Variants in PRKACB observed in about 807,000 individuals in gnomAD.
PRKACB encodes protein kinase cAMP-activated catalytic subunit beta, also known as cAMP-dependent protein kinase catalytic subunit beta.
A neutral mutation model predicts 51.4 loss-of-function variants in PRKACB; 16 were observed. The ratio of observed to expected loss-of-function variants is 0.31; its 90% CI spans 0.21 to 0.47. The LOEUF (loss-of-function observed/expected upper bound fraction) is 0.47. Ranked by LOEUF, PRKACB falls within the 20% of genes least tolerant of loss-of-function variation. The pLI is 1.00. For synonymous variants in PRKACB, 147 were observed against 154.4 expected (o/e 0.95, Z 0.35); for missense variants, 309 against 464.5 (o/e 0.67, Z 3.08).
chr1:84,108,046 A>G (rs1649925496), intron 1 of PRKACB, among the ~76,000 whole-genome samples: 1 of 152,164 alleles, frequency 6.6e-6, no homozygotes, highest in Non-Finnish European at 1.5e-5. Context: ...TTGCAGCACT[A>G]TTCACAATAG....
intron 9 of PRKACB, among the ~76,000 whole-genome samples, chr1:84,216,516 C>A (rs1024812658): frequency 2.0e-5 from 3 of 152,004 alleles, no homozygotes; most frequent in Admixed American, 6.6e-5. Context: ...GCATTATTAT[C>A]GCAAATAGAT....
At chr1:84,099,885 G>GT (rs1314756391) in intron 1 of PRKACB, among the ~76,000 whole-genome samples, 2 of 152,002 alleles carry the variant, frequency 1.3e-5, no homozygotes, top group African/African-American at 4.8e-5. Context: ...CTTAAGCATG[G>GT]TCTATATAGA....
intron 1 of PRKACB, among the ~76,000 whole-genome samples, chr1:84,151,343 A>G (rs576425487): frequency 1.3e-5 from 2 of 152,076 alleles, no homozygotes; most frequent in Admixed American, 6.6e-5. Flanking sequence ...AGCATTTCCC[A>G]ATTTTTTTGC....
chr1:84,143,386 G>T (rs1653632204), upstream of PRKACB, among the ~76,000 whole-genome samples: 1 of 152,130 alleles, frequency 6.6e-6, no homozygotes, highest in Non-Finnish European at 1.5e-5. Context: ...TAGGAGCGGA[G>T]GTCGCAGTGA....
At chr1:84,153,972 T>G (rs1413573909) in intron 1 of PRKACB, among the ~76,000 whole-genome samples, 1 of 152,190 alleles carries the variant, frequency 6.6e-6, no homozygotes, top group African/African-American at 2.4e-5. Context: ...GCTGTACTAA[T>G]GTATATTCTC....
At chr1:84,124,153 C>T (rs892130007) in intron 1 of PRKACB, among the ~76,000 whole-genome samples, 1 of 152,040 alleles carries the variant, frequency 6.6e-6, no homozygotes, top group African/African-American at 2.4e-5. Flanking sequence ...GTGTTAGATT[C>T]TGGTAAGAAA....
At chr1:84,137,251 G>A (rs891919282) in intron 1 of PRKACB, among the ~76,000 whole-genome samples, 2 of 152,084 alleles carry the variant, frequency 1.3e-5, no homozygotes, top group African/African-American at 4.8e-5. Flanking sequence ...GCCGTAAAAA[G>A]ACATGGATAA....
At chr1:84,215,983 A>G (rs925468764) in intron 9 of PRKACB, among the ~76,000 whole-genome samples, 1 of 152,166 alleles carries the variant, frequency 6.6e-6, no homozygotes, top group African/African-American at 2.4e-5. Context: ...AAAAAAATTT[A>G]ATGCTCTAAT....
At chr1:84,155,008 A>G (rs1655299636) in intron 1 of PRKACB, among the ~76,000 whole-genome samples, 1 of 152,136 alleles carries the variant, frequency 6.6e-6, no homozygotes, top group Non-Finnish European at 1.5e-5. Context: ...TCTACTCAAT[A>G]TGATACTGGA....
intron 8 of PRKACB, chr1:84,205,407 T>G: frequency 2.7e-6 from 1 of 366,344 alleles, no homozygotes; most frequent in Non-Finnish European, 3.8e-6. Flanking sequence ...TTTTAAATTG[T>G]GCAAATTATT....
chr1:84,194,017 C>A (rs947021040), intron 5 of PRKACB, among the ~76,000 whole-genome samples: 1 of 152,078 alleles, frequency 6.6e-6, no homozygotes, highest in African/African-American at 2.4e-5. Context: ...ACTTACTATG[C>A]ACAGGGCAAC....
chr1:84,237,457 T>G lies in PRKACB; in HGVS notation c.*2152T>G, dbSNP rs1676756003. ...ATATTTTTTTCTATGAAATTACTAG[T>G]GCCCAGCTGTAGAATCTACCTTAGG... On this transcript the variant is annotated 3_prime_UTR_variant, in exon 10 of 10. Transcript: ENST00000370685. 1 of 152,532 alleles carries G rather than the reference T, an allele frequency of 6.6e-6. No homozygotes were observed. Among genetic ancestry groups the G allele is most frequent in the African/African-American group, 2.4e-5 (1 of 41,446 alleles). The allele number at this position is 152,532 out of a possible 1,614,324, so 9.4% of individuals were successfully genotyped here.
At chr1:84,189,941 A>G (rs905878479) in intron 5 of PRKACB, among the ~76,000 whole-genome samples, 13 of 151,910 alleles carry the variant, frequency 8.6e-5, no homozygotes, top group African/African-American at 3.1e-4. Flanking sequence ...TTTCCTTTCC[A>G]ATTTCTTTCC....
chr1:84,214,128 T>A lies in PRKACB; in HGVS notation c.907-25T>A, dbSNP rs568129167. 2.9e-5 allele frequency: 46 copies of A among 1,576,266 alleles called. No individual in the cohort carries two copies. In the East Asian group the frequency reaches 1.0e-3, roughly 36 times the overall value. Reference sequence around the variant, plus strand: ...ATATCATGAGTCTTAGAATGTGTGTTTTACCAAATGGTGTGTTTGTGTAGG... The same window carrying A: ...ATATCATGAGTCTTAGAATGTGTGTATTACCAAATGGTGTGTTTGTGTAGG... On this transcript the variant is annotated intron_variant, in intron 8 of 9. Coordinates refer to ENST00000370685, the MANE Select transcript of PRKACB (RefSeq NM_182948.4).
At chr1:84,210,880 G>C (rs926985785) in intron 8 of PRKACB, among the ~76,000 whole-genome samples, 18 of 152,080 alleles carry the variant, frequency 1.2e-4, no homozygotes, top group African/African-American at 4.1e-4. Context: ...TTACATTTCA[G>C]GTTAAATTTC....
At chr1:84,227,102 G>A (rs950606885) in intron 9 of PRKACB, among the ~76,000 whole-genome samples, 4 of 152,056 alleles carry the variant, frequency 2.6e-5, no homozygotes, top group African/African-American at 7.2e-5. Flanking sequence ...GTAGTCATAA[G>A]TTTTATTAGT....
At chr1:84,170,179 G>A (rs149999627) in intron 1 of PRKACB, among the ~76,000 whole-genome samples, 37 of 151,644 alleles carry the variant, frequency 2.4e-4, no homozygotes, top group African/African-American at 8.4e-4. Context: ...ACCTTGGTGG[G>A]GCTTTCGTTT....
chr1:84,127,740 A>G (rs867460684), intron 1 of PRKACB, among the ~76,000 whole-genome samples: 18 of 151,936 alleles, frequency 1.2e-4, no homozygotes, highest in Non-Finnish European at 2.6e-4. Context: ...AACACATTCA[A>G]TTGACTATAT....
intron 1 of PRKACB, among the ~76,000 whole-genome samples, chr1:84,165,420 T>C (rs1002337816): frequency 3.3e-4 from 50 of 151,980 alleles, no homozygotes; most frequent in African/African-American, 1.1e-3. Context: ...AGATTATTTT[T>C]ATTAGATTTT....
Sources: gnomAD v4.1 joint callset for allele counts (sites outside exome capture counted in the v4.1 genomes callset) on GRCh38, gnomAD v4.1.1 for gene constraint, MANE v1.5 for transcripts, NCBI Gene and HGNC (gene_info 2026-07-23, HGNC 2026-07-21) for gene names.